Variants in POU6F2 observed in about 807,000 individuals in gnomAD.
POU6F2 encodes POU class 6 homeobox 2, also known as POU domain, class 6, transcription factor 2.
POU6F2 carries 31 observed loss-of-function variants against 71.3 expected under a neutral mutation model. That is an observed-to-expected ratio of 0.43 (90% CI 0.33 to 0.59). The LOEUF is 0.59. POU6F2 is among the 20% of genes least tolerant of loss of function. POU6F2 has a pLI of 0.04. For missense variants in POU6F2, 783 were observed against 856.8 expected (o/e 0.91, Z 1.07); for synonymous variants, 347 against 355.7 (o/e 0.98, Z 0.27).
At chr7:39,288,620 T>C (rs554181520) in intron 4 of POU6F2, among the ~76,000 whole-genome samples, 3 of 152,298 alleles carry the variant, frequency 2.0e-5, no homozygotes, top group African/African-American at 4.8e-5. Context: ...ACAGTGCCCA[T>C]AGTCATCATA....
At chr7:39,086,423 T>A (rs768037944) in intron 2 of POU6F2, among the ~76,000 whole-genome samples, 4 of 152,002 alleles carry the variant, frequency 2.6e-5, no homozygotes, top group African/African-American at 7.2e-5. Context: ...GGAAGGTGAG[T>A]AAAGACATTA....
At chr7:39,114,773 G>A (rs893453003) in intron 2 of POU6F2, among the ~76,000 whole-genome samples, 28 of 152,018 alleles carry the variant, frequency 1.8e-4, no homozygotes, top group African/African-American at 5.8e-4. Flanking sequence ...TATTGTGAGC[G>A]CTTTGCTGCT....
intron 1 of POU6F2, among the ~76,000 whole-genome samples, chr7:39,063,989 A>C (rs1427048494): frequency 1.3e-5 from 2 of 152,116 alleles, no homozygotes; most frequent in African/African-American, 4.8e-5. Context: ...CACCACCCAC[A>C]TAATCTCTTT....
At chr7:39,301,824 A>G (rs1327390329) in intron 4 of POU6F2, among the ~76,000 whole-genome samples, 2 of 152,226 alleles carry the variant, frequency 1.3e-5, no homozygotes, top group Non-Finnish European at 2.9e-5. Flanking sequence ...TGGAGCCACC[A>G]GTAGCCTATA....
intron 4 of POU6F2, among the ~76,000 whole-genome samples, chr7:39,299,109 C>T (rs1332241573): frequency 6.6e-6 from 1 of 152,072 alleles, no homozygotes; most frequent in Non-Finnish European, 1.5e-5. Flanking sequence ...ACCACCATGG[C>T]ACATGTAAAC....
intron 7 of POU6F2, among the ~76,000 whole-genome samples, chr7:39,449,406 T>C (rs563234069): frequency 6.6e-6 from 1 of 152,288 alleles, no homozygotes; most frequent in South Asian, 2.1e-4. Flanking sequence ...AATATTAATT[T>C]GATAAAAACA....
chr7:39,118,750 A>G (rs775917839), intron 2 of POU6F2, among the ~76,000 whole-genome samples: 4 of 152,202 alleles, frequency 2.6e-5, no homozygotes, highest in Non-Finnish European at 5.9e-5. Flanking sequence ...AATTTCTCAT[A>G]AACAAAGGAT....
At chr7:39,446,159 G>A (rs1426405797) in intron 7 of POU6F2, among the ~76,000 whole-genome samples, 1 of 152,220 alleles carries the variant, frequency 6.6e-6, no homozygotes, top group African/African-American at 2.4e-5. Context: ...GGCAAGTAAT[G>A]ATGCCCTTCC....
intron 5 of POU6F2, among the ~76,000 whole-genome samples, chr7:39,380,769 T>C (rs539840409): frequency 2.0e-5 from 3 of 152,326 alleles, no homozygotes; most frequent in South Asian, 4.1e-4. Context: ...CTTCCCTTCT[T>C]GGTTCTCTTC....
In POU6F2 at chr7:39,375,782, G is replaced by A. The variant is rs139484326; in HGVS notation, c.973-30818G>A. ...AGCCCCAAGAGACATACCCAGAGCT[G>A]TCCTGTGACTAAGTGTTCAGGTTGG... is the stretch of plus-strand genomic sequence containing the variant. On this transcript the variant is annotated intron_variant, in intron 5 of 9. Transcript: ENST00000518318. Among the ~76,000 whole-genome samples, 494 of 152,304 alleles carry A rather than the reference G, an allele frequency of 3.2e-3. 2 individuals are homozygous for A. Among genetic ancestry groups the A allele is most frequent in the Non-Finnish European group, 4.9e-3 (335 of 68,024 alleles).
At chr7:39,271,146 T>C (rs1008033003) in intron 4 of POU6F2, among the ~76,000 whole-genome samples, 2 of 152,204 alleles carry the variant, frequency 1.3e-5, no homozygotes, top group African/African-American at 4.8e-5. Flanking sequence ...AAGAATGGTT[T>C]TTACATTTTT....
intron 4 of POU6F2, among the ~76,000 whole-genome samples, chr7:39,252,255 T>C (rs1238221275): frequency 6.6e-6 from 1 of 151,950 alleles, no homozygotes; most frequent in African/African-American, 2.4e-5. Flanking sequence ...TCTGTTTGAG[T>C]GTGGGTCCCC....
chr7:39,453,802 T>C (rs1300545547), intron 8 of POU6F2, among the ~76,000 whole-genome samples: 1 of 152,174 alleles, frequency 6.6e-6, no homozygotes, highest in Non-Finnish European at 1.5e-5. Flanking sequence ...GTATGAAATA[T>C]ATAGACGTGG....
chr7:39,111,248 C>T (rs1391547123), intron 2 of POU6F2, among the ~76,000 whole-genome samples: 3 of 152,152 alleles, frequency 2.0e-5, no homozygotes, highest in Non-Finnish European at 4.4e-5. Context: ...TGAAGTTTTA[C>T]TAATAATTTT....
At chr7:39,137,326 A>G (rs1411245562) in intron 2 of POU6F2, among the ~76,000 whole-genome samples, 2 of 152,322 alleles carry the variant, frequency 1.3e-5, no homozygotes, top group Admixed American at 1.3e-4. Flanking sequence ...CCAAGAAATG[A>G]CTTAAATGGT....
chr7:39,449,921 A>C (rs1423430872), intron 7 of POU6F2, among the ~76,000 whole-genome samples: 1 of 152,298 alleles, frequency 6.6e-6, no homozygotes, highest in East Asian at 1.9e-4. Flanking sequence ...AGTGACAGAA[A>C]TCAGGGTAGT....
chr7:39,394,834 C>G (rs895226893), intron 5 of POU6F2, among the ~76,000 whole-genome samples: 1 of 152,122 alleles, frequency 6.6e-6, no homozygotes, highest in South Asian at 2.1e-4. Context: ...GCTCACTTAG[C>G]ATACCCCTAC....
intron 1 of POU6F2, among the ~76,000 whole-genome samples, chr7:39,020,419 G>C (rs764806653): frequency 4.6e-5 from 7 of 152,108 alleles, no homozygotes; most frequent in Non-Finnish European, 1.0e-4. Flanking sequence ...TCATGCAGAA[G>C]TATTTATTTC....
chr7:39,214,195 A>G (rs1388788833), intron 4 of POU6F2, among the ~76,000 whole-genome samples: 2 of 152,112 alleles, frequency 1.3e-5, no homozygotes, highest in Non-Finnish European at 2.9e-5. Flanking sequence ...TTTCAATTAA[A>G]TCAGCCTTGA....
Sources: allele counts gnomAD v4.1 joint callset (sites outside exome capture counted in the v4.1 genomes callset), GRCh38; gene constraint gnomAD v4.1.1; transcripts MANE v1.5; gene names NCBI Gene and HGNC (gene_info 2026-07-23, HGNC 2026-07-21).